The following RSRC1 variants were observed in gnomAD, a reference collection of about 807,000 sequenced individuals.
RSRC1 encodes the protein arginine and serine rich coiled-coil 1.
In RSRC1, 39 loss-of-function variants were observed where a neutral mutation model predicts 49.1. The observed-to-expected ratio is 0.79, with a 90% confidence interval of 0.61 to 1.04. The LOEUF (loss-of-function observed/expected upper bound fraction) is 1.04. Among genes scored for constraint, RSRC1 ranks in the 50% least tolerant of loss-of-function variants. The pLI is 0.00. For synonymous variants in RSRC1, 143 were observed against 130.8 expected (o/e 1.09, Z -0.63); for missense variants, 388 against 402.4 (o/e 0.96, Z 0.31).
At chr3:158,318,224 T>C (rs1447686008) in intron 5 of RSRC1, among the ~76,000 whole-genome samples, 2 of 151,980 alleles carry the variant, frequency 1.3e-5, no homozygotes, top group Non-Finnish European at 2.9e-5. Flanking sequence ...GGTAGAAAGA[T>C]GTTCTCCATT....
At chr3:158,529,212 GTGTA>G (rs1712232699) in intron 7 of RSRC1, among the ~76,000 whole-genome samples, 1 of 101,254 alleles carries the variant, frequency 9.9e-6, no homozygotes, top group African/African-American at 5.1e-5. Context: ...GTATGTGTGT[GTGTA>G]TATATATATA....
intron 3 of RSRC1, among the ~76,000 whole-genome samples, chr3:158,200,675 C>T (rs750202275): frequency 6.6e-6 from 1 of 151,818 alleles, no homozygotes; most frequent in East Asian, 1.9e-4. Context: ...AGTAGTTGCT[C>T]TAAGGATTAC....
At chr3:158,344,229 A>T (rs545551641) in intron 5 of RSRC1, among the ~76,000 whole-genome samples, 1 of 152,362 alleles carries the variant, frequency 6.6e-6, no homozygotes, top group African/African-American at 2.4e-5. Flanking sequence ...ATTGCACTTC[A>T]GCCTAGCCGA....
At chr3:158,242,056 T>TTTTTTTG (rs1553773690) in intron 4 of RSRC1, among the ~76,000 whole-genome samples, 1 of 146,068 alleles carries the variant, frequency 6.8e-6, no homozygotes, top group Non-Finnish European at 1.5e-5. Context: ...TTTTTTTTTT[T>TTTTTTTG]TTAGTTTAGG....
intron 5 of RSRC1, among the ~76,000 whole-genome samples, chr3:158,311,129 A>T (rs968424984): frequency 6.6e-6 from 1 of 151,882 alleles, no homozygotes; most frequent in African/African-American, 2.4e-5. Flanking sequence ...ATCATTCCCT[A>T]TACTGAACTA....
chr3:158,145,400 A>T (rs1014043912), intron 3 of RSRC1, among the ~76,000 whole-genome samples: 5 of 152,228 alleles, frequency 3.3e-5, no homozygotes, highest in African/African-American at 1.2e-4. Context: ...TCCTTTCCCC[A>T]TTTCTTGTTT....
chr3:158,197,691 G>A (rs1454692631), intron 3 of RSRC1, among the ~76,000 whole-genome samples: 2 of 152,150 alleles, frequency 1.3e-5, no homozygotes, highest in African/African-American at 2.4e-5. Flanking sequence ...GGTATATTAT[G>A]TCTTTGTTCT....
intron 7 of RSRC1, among the ~76,000 whole-genome samples, chr3:158,523,222 C>A (rs1416047732): frequency 6.6e-6 from 1 of 151,980 alleles, no homozygotes; most frequent in African/African-American, 2.4e-5. Flanking sequence ...GAACTTAAAT[C>A]TTATTATATA....
chr3:158,154,410 A>G (rs538464765), intron 3 of RSRC1, among the ~76,000 whole-genome samples: 1 of 152,134 alleles, frequency 6.6e-6, no homozygotes, highest in Admixed American at 6.6e-5. Flanking sequence ...CCTTTTTTAA[A>G]TGAAAGATTT....
At chr3:158,363,680 TTAAAA>T (rs1731606606) in intron 6 of RSRC1, among the ~76,000 whole-genome samples, 1 of 152,234 alleles carries the variant, frequency 6.6e-6, no homozygotes, top group Non-Finnish European at 1.5e-5. Flanking sequence ...TACAATTATC[TTAAAA>T]TAAAATAATT....
intron 1 of RSRC1, among the ~76,000 whole-genome samples, chr3:158,115,814 T>C (rs1714767724): frequency 6.6e-6 from 1 of 152,216 alleles, no homozygotes; most frequent in African/African-American, 2.4e-5. Flanking sequence ...ATAAGTGTTT[T>C]AGTAACCCTT....
At chr3:158,346,077 A>G (rs1465622328) in intron 5 of RSRC1, among the ~76,000 whole-genome samples, 1 of 152,174 alleles carries the variant, frequency 6.6e-6, no homozygotes, top group Non-Finnish European at 1.5e-5. Flanking sequence ...TCTAGGTATA[A>G]ATACAGGACA....
rs1483954619 is a variant in RSRC1, at chr3:158,487,948, AG to A, written c.652+26946del. ...CTAGGAGACAAGAGACTCCATCTCA[AG>A]AAAAAAAAAAAAAAAAAAAAAAAAA... On this transcript the variant is annotated intron_variant, in intron 7 of 9. Transcript: ENST00000611884. 6.9e-4 allele frequency among the ~76,000 whole-genome samples: 73 copies of A among 106,342 alleles called. 7 individuals carry two copies. The highest frequency in any genetic ancestry group is 5.7e-3 in the Middle Eastern group (1 of 176). 69.8% of individuals were successfully genotyped at this position (106,342 alleles called of 152,430 possible).
chr3:158,149,667 G>T (rs1717400101), intron 3 of RSRC1, among the ~76,000 whole-genome samples: 1 of 152,152 alleles, frequency 6.6e-6, no homozygotes, highest in Non-Finnish European at 1.5e-5. Context: ...GATGCTATAG[G>T]TATTCAGATT....
intron 4 of RSRC1, among the ~76,000 whole-genome samples, chr3:158,252,337 A>AT (rs35417241): frequency 0.45 from 67,665 of 150,256 alleles, 15,521 homozygotes; most frequent in East Asian, 0.64. Context: ...AATTTTTTGT[A>AT]TTTTTTTTAA....
At chr3:158,177,353 T>C (rs1719287678) in intron 3 of RSRC1, among the ~76,000 whole-genome samples, 1 of 152,210 alleles carries the variant, frequency 6.6e-6, no homozygotes, top group Non-Finnish European at 1.5e-5. Flanking sequence ...ATATGTTTAT[T>C]CTGGCACTAT....
At chr3:158,509,161 A>G (rs1411312212) in intron 7 of RSRC1, among the ~76,000 whole-genome samples, 1 of 152,058 alleles carries the variant, frequency 6.6e-6, no homozygotes, top group African/African-American at 2.4e-5. Context: ...ATCCATTTTG[A>G]GTTCATTTTT....
At chr3:158,291,087 G>T (rs1006890523) in intron 4 of RSRC1, among the ~76,000 whole-genome samples, 6 of 152,184 alleles carry the variant, frequency 3.9e-5, no homozygotes, top group Non-Finnish European at 8.8e-5. Context: ...TGTGGTCATA[G>T]CTACTTGGGA....
At chr3:158,538,250 T>G (rs779124599) in intron 8 of RSRC1, among the ~76,000 whole-genome samples, 1 of 151,914 alleles carries the variant, frequency 6.6e-6, no homozygotes, top group Non-Finnish European at 1.5e-5. Flanking sequence ...TCAGGAGAGA[T>G]ATATTGAGCA....
Sources: allele counts gnomAD v4.1 joint callset (sites outside exome capture counted in the v4.1 genomes callset), GRCh38; gene constraint gnomAD v4.1.1; transcripts MANE v1.5; gene names NCBI Gene and HGNC (gene_info 2026-07-23, HGNC 2026-07-21).